The following KHDRBS3 variants were observed in gnomAD, a reference collection of about 807,000 sequenced individuals.
KHDRBS3 encodes the protein KH RNA binding domain containing, signal transduction associated 3.
In KHDRBS3, 23 loss-of-function variants were observed where a neutral mutation model predicts 45.6. The ratio of observed to expected loss-of-function variants is 0.50; its 90% CI spans 0.36 to 0.72. The LOEUF is 0.72. KHDRBS3 is among the 30% of genes least tolerant of loss of function. The pLI is 0.00. For missense variants in KHDRBS3, 352 were observed against 424.8 expected (o/e 0.83, Z 1.51); for synonymous variants, 162 against 156.5 (o/e 1.04, Z -0.26).
chr8:135,458,840 C>G (rs759987436), intron 1 of KHDRBS3: 50 of 455,592 alleles, frequency 1.1e-4, no homozygotes, highest in Non-Finnish European at 2.0e-4. Flanking sequence ...TCTGGAGGCA[C>G]GCCTACCCGG....
intron 3 of KHDRBS3, among the ~76,000 whole-genome samples, chr8:135,544,052 G>A (rs1448744648): frequency 1.3e-5 from 2 of 152,104 alleles, no homozygotes; most frequent in Admixed American, 1.3e-4. Context: ...AGGAGAAAAT[G>A]AAAACATATA....
At chr8:135,577,707 T>C (rs897200531) in intron 5 of KHDRBS3, among the ~76,000 whole-genome samples, 1 of 152,194 alleles carries the variant, frequency 6.6e-6, no homozygotes, top group Non-Finnish European at 1.5e-5. Flanking sequence ...TAAACATTTA[T>C]GTGAAAGTTT....
At chr8:135,544,338 G>A (rs1260628148) in intron 3 of KHDRBS3, among the ~76,000 whole-genome samples, 2 of 152,154 alleles carry the variant, frequency 1.3e-5, no homozygotes, top group Non-Finnish European at 2.9e-5. Context: ...AACAAGGAAG[G>A]CAAAGCTTTA....
intron 5 of KHDRBS3, among the ~76,000 whole-genome samples, chr8:135,564,847 C>G (rs1289751835): frequency 6.6e-6 from 1 of 152,020 alleles, no homozygotes; most frequent in Non-Finnish European, 1.5e-5. Flanking sequence ...AGGATCTTTT[C>G]TTTTGTAATC....
At chr8:135,523,418 G>C (rs1563741600) in intron 2 of KHDRBS3, among the ~76,000 whole-genome samples, 1 of 151,560 alleles carries the variant, frequency 6.6e-6, no homozygotes, top group African/African-American at 2.4e-5. Context: ...CTATTTTCCA[G>C]TTTTTTTTCT....
intron 1 of KHDRBS3, among the ~76,000 whole-genome samples, chr8:135,495,182 T>G (rs1563721191): frequency 6.6e-6 from 1 of 152,200 alleles, no homozygotes; most frequent in South Asian, 2.1e-4. Flanking sequence ...CTTCCTGCTT[T>G]CTTTTGTAGC....
chr8:135,591,874 C>G (rs1828759565), intron 6 of KHDRBS3, among the ~76,000 whole-genome samples: 1 of 152,154 alleles, frequency 6.6e-6, no homozygotes, highest in South Asian at 2.1e-4. Flanking sequence ...AGTGACTACT[C>G]ACATAATTTT....
intron 6 of KHDRBS3, among the ~76,000 whole-genome samples, chr8:135,594,524 T>G (rs1208712777): frequency 6.6e-6 from 1 of 152,186 alleles, no homozygotes; most frequent in Non-Finnish European, 1.5e-5. Flanking sequence ...GTTATAAAGA[T>G]GAGGTAAGTT....
chr8:135,479,670 T>C (rs1454514872), intron 1 of KHDRBS3, among the ~76,000 whole-genome samples: 1 of 152,216 alleles, frequency 6.6e-6, no homozygotes, highest in African/African-American at 2.4e-5. Flanking sequence ...AATCCCATTA[T>C]TCATGAGGGC....
intron 1 of KHDRBS3, among the ~76,000 whole-genome samples, chr8:135,489,277 A>G (rs930187334): frequency 6.6e-6 from 1 of 152,200 alleles, no homozygotes; most frequent in Non-Finnish European, 1.5e-5. Context: ...TTACCACCGT[A>G]TCTGTCATGG....
chr8:135,527,594 TTAA>T (rs1393157223), intron 2 of KHDRBS3, among the ~76,000 whole-genome samples: 1 of 152,236 alleles, frequency 6.6e-6, no homozygotes. Flanking sequence ...CTCCAGGTGC[TTAA>T]TGATGGCAAA....
chr8:135,467,264 A>G lies in KHDRBS3; in HGVS notation c.88+9310A>G, dbSNP rs541114347. ...ACACATATATTTCTGTTCCTCATATATTATCTTTTACAAATGAATACTTAA... is the reference window on the plus strand; with the variant it reads ...ACACATATATTTCTGTTCCTCATATGTTATCTTTTACAAATGAATACTTAA... On this transcript the variant is annotated intron_variant, in intron 1 of 8. Transcript: ENST00000355849. Among the ~76,000 whole-genome samples, 7 of 152,348 alleles carry G rather than the reference A, an allele frequency of 4.6e-5. No individual in the cohort carries two copies. In the East Asian group the frequency reaches 9.6e-4, roughly 21 times the overall value.
chr8:135,515,282 C>T (rs1280879883), intron 1 of KHDRBS3, among the ~76,000 whole-genome samples: 1 of 142,996 alleles, frequency 7.0e-6, no homozygotes, highest in Non-Finnish European at 1.5e-5. Context: ...AGGAGAATGA[C>T]GTGAACCCGG....
At chr8:135,627,474 A>G (rs189978363) in intron 7 of KHDRBS3, among the ~76,000 whole-genome samples, 10 of 152,352 alleles carry the variant, frequency 6.6e-5, no homozygotes, top group East Asian at 1.9e-4. Flanking sequence ...CTAGCACCCA[A>G]TCCCCAGCCT....
chr8:135,629,379 G>T (rs1444046107), intron 7 of KHDRBS3, among the ~76,000 whole-genome samples: 2 of 152,196 alleles, frequency 1.3e-5, no homozygotes, highest in African/African-American at 4.8e-5. Flanking sequence ...TAAGACAGCT[G>T]CAGCAGACAC....
intron 5 of KHDRBS3, 104 bp from the exon 6 acceptor site, chr8:135,581,774 A>G (rs750527411): frequency 3.3e-5 from 32 of 971,436 alleles, no homozygotes; most frequent in Non-Finnish European, 4.5e-5. Context: ...TCCTTTTTAC[A>G]AAAATATAGA....
intron 2 of KHDRBS3, among the ~76,000 whole-genome samples, chr8:135,533,075 G>T (rs752573670): frequency 6.6e-6 from 1 of 152,084 alleles, no homozygotes. Context: ...TTATGATGGC[G>T]TGAAAGCAAA....
chr8:135,653,726 A>G (rs1434118771), intron 4 of KHDRBS3, among the ~76,000 whole-genome samples: 1 of 152,254 alleles, frequency 6.6e-6, no homozygotes, highest in African/African-American at 2.4e-5. Flanking sequence ...CTAAGCTATG[A>G]TGTTTGGTAG....
At position 135,614,518 on chromosome 8, in the gene KHDRBS3, A is replaced by G. The variant is rs543127915; in HGVS notation, c.890+7481A>G. ...TTCTCCAAAGAACTGTTTGGCTCCT[A>G]GAGTGATCATAAACTAAATAGAACA... is the stretch of plus-strand genomic sequence containing the variant. On this transcript the variant is annotated intron_variant, in intron 7 of 8. Transcript: ENST00000355849. Among the ~76,000 whole-genome samples the G allele has an allele frequency of 2.0e-5, 3 of 151,976 alleles. No individual in the cohort carries two copies. The South Asian group carries it at 6.2e-4, about 31-fold the overall frequency.
Sources: gnomAD v4.1 joint callset for allele counts (sites outside exome capture counted in the v4.1 genomes callset) on GRCh38, gnomAD v4.1.1 for gene constraint, MANE v1.5 for transcripts, NCBI Gene and HGNC (gene_info 2026-07-23, HGNC 2026-07-21) for gene names.